Variants in PLCB1 observed in about 807,000 individuals in gnomAD.
PLCB1 encodes the protein phospholipase C beta 1.
A neutral mutation model predicts 161.8 loss-of-function variants in PLCB1; 46 were observed. The ratio of observed to expected loss-of-function variants is 0.28; its 90% CI spans 0.22 to 0.36. PLCB1 has a LOEUF of 0.36. Among genes scored for constraint, PLCB1 ranks in the 10% least tolerant of loss-of-function variants. The pLI, the probability that PLCB1 is intolerant of heterozygous loss-of-function variation, is 1.00. For missense variants in PLCB1, 1,016 were observed against 1,472.5 expected (o/e 0.69, Z 5.07); for synonymous variants, 517 against 503.7 (o/e 1.03, Z -0.35).
chr20:8,152,229 C>G lies in PLCB1; in HGVS notation c.177+1858C>G, dbSNP rs562269274. On this transcript the variant is annotated intron_variant, in intron 2 of 31. Coordinates refer to ENST00000338037, the MANE Select transcript of PLCB1 (RefSeq NM_015192.4). ...CCAAAGTCATCTCTCAGTCATTTAT[C>G]AGAATTTGGAGGCTCATTTCTTAGT... Among the ~76,000 whole-genome samples the G allele has an allele frequency of 4.6e-5, 7 of 152,040 alleles. No individual in the cohort carries two copies. The East Asian group carries it at 1.2e-3, about 25-fold the overall frequency.
At chr20:8,609,956 A>T (rs889024996) in intron 3 of PLCB1, among the ~76,000 whole-genome samples, 2 of 151,720 alleles carry the variant, frequency 1.3e-5, no homozygotes, top group African/African-American at 4.8e-5. Flanking sequence ...GGTTTTTAGT[A>T]TATTTAGTAT....
At chr20:8,815,049 T>C (rs1985021305) in intron 31 of PLCB1, among the ~76,000 whole-genome samples, 1 of 152,228 alleles carries the variant, frequency 6.6e-6, no homozygotes, top group Admixed American at 6.5e-5. Flanking sequence ...CCCAGTCCGC[T>C]TTGATTTCGG....
chr20:8,786,598 A>C (rs1174436074), intron 27 of PLCB1, among the ~76,000 whole-genome samples: 2 of 152,148 alleles, frequency 1.3e-5, no homozygotes, highest in Non-Finnish European at 2.9e-5. Context: ...CTTGAGCCAG[A>C]TGTGTCAGCG....
intron 2 of PLCB1, among the ~76,000 whole-genome samples, chr20:8,213,065 T>A (rs1306575503): frequency 2.6e-5 from 4 of 152,126 alleles, no homozygotes; most frequent in Admixed American, 2.6e-4. Context: ...CATGTTTCCT[T>A]CTGAGTCTTC....
chr20:8,260,880 C>A, intron 2 of PLCB1, among the ~76,000 whole-genome samples: 1 of 152,156 alleles, frequency 6.6e-6, no homozygotes, highest in East Asian at 1.9e-4. Context: ...CTGCCCTGGG[C>A]TGACAGGAGT....
intron 3 of PLCB1, among the ~76,000 whole-genome samples, chr20:8,561,263 A>G (rs916730097): frequency 3.3e-5 from 5 of 152,040 alleles, no homozygotes; most frequent in Non-Finnish European, 5.9e-5. Flanking sequence ...GAATAGAACT[A>G]GATTAATATT....
At chr20:8,627,652 A>G (rs547865961) in intron 3 of PLCB1, among the ~76,000 whole-genome samples, 4 of 152,372 alleles carry the variant, frequency 2.6e-5, no homozygotes, top group African/African-American at 7.2e-5. Context: ...CAGCAGGACT[A>G]CATCTCCAAA....
At chr20:8,525,154 G>C (rs1984530592) in intron 3 of PLCB1, among the ~76,000 whole-genome samples, 2 of 83,576 alleles carry the variant, frequency 2.4e-5, no homozygotes, top group South Asian at 5.9e-4. Context: ...TTATGGAGAA[G>C]GGGGAAAAAA....
Position 8,727,443 on chromosome 20 carries a change from G to A in PLCB1, c.1763+50G>A, listed in dbSNP as rs748310655. ...GCAGAATGAACACAGCTGAAGTCTT[G>A]TGCTATTTGTTCATTTGGTTTTTTA... On this transcript the variant is annotated intron_variant, in intron 17 of 31. Coordinates refer to ENST00000338037, the MANE Select transcript of PLCB1 (RefSeq NM_015192.4). 6.0e-6 allele frequency: 6 copies of A among 994,062 alleles called. 1 individual carries two copies. The East Asian group carries it at 1.2e-4, about 20-fold the overall frequency. 61.6% of individuals were successfully genotyped at this position (994,062 alleles called of 1,614,324 possible). A position where few individuals can be genotyped will look rare whatever the true frequency, so the allele number is the denominator to read the frequency against.
intron 31 of PLCB1, among the ~76,000 whole-genome samples, chr20:8,822,361 A>G (rs1347399187): frequency 1.3e-5 from 2 of 152,206 alleles, no homozygotes; most frequent in Admixed American, 6.5e-5. Context: ...CATACTAAGA[A>G]TACAGAGTGA....
intron 2 of PLCB1, among the ~76,000 whole-genome samples, chr20:8,270,611 T>C (rs1158121047): frequency 6.6e-6 from 1 of 152,096 alleles, no homozygotes; most frequent in African/African-American, 2.4e-5. Flanking sequence ...TCAGTCAATA[T>C]ACTGATTAAT....
At chr20:8,848,392 C>G (rs1248201333) in intron 31 of PLCB1, among the ~76,000 whole-genome samples, 1 of 152,184 alleles carries the variant, frequency 6.6e-6, no homozygotes, top group Non-Finnish European at 1.5e-5. Flanking sequence ...TTCCAACCCT[C>G]CAGTCAGTTG....
intron 31 of PLCB1, among the ~76,000 whole-genome samples, chr20:8,855,059 G>T (rs1600097097): frequency 6.6e-6 from 1 of 152,270 alleles, no homozygotes; most frequent in Non-Finnish European, 1.5e-5. Flanking sequence ...GTTGCAGATG[G>T]TAGCAAAAAC....
At chr20:8,500,714 A>G (rs1433744883) in intron 3 of PLCB1, among the ~76,000 whole-genome samples, 1 of 152,284 alleles carries the variant, frequency 6.6e-6, no homozygotes, top group East Asian at 1.9e-4. Context: ...TTTATTATAC[A>G]TCCTTTATTA....
intron 2 of PLCB1, among the ~76,000 whole-genome samples, chr20:8,238,604 C>T (rs1980441496): frequency 6.6e-6 from 1 of 150,476 alleles, no homozygotes; most frequent in Non-Finnish European, 1.5e-5. Flanking sequence ...AGGAACAAGA[C>T]AATATGTACA....
chr20:8,356,273 T>G (rs1198268176), intron 2 of PLCB1, among the ~76,000 whole-genome samples: 1 of 152,024 alleles, frequency 6.6e-6, no homozygotes, highest in Non-Finnish European at 1.5e-5. Context: ...TCTCTAAGAG[T>G]GCGTCTCAGT....
chr20:8,444,383 CT>C (rs1337134274), intron 3 of PLCB1, among the ~76,000 whole-genome samples: 3 of 152,076 alleles, frequency 2.0e-5, no homozygotes, highest in African/African-American at 7.2e-5. Flanking sequence ...TGAACTCATC[CT>C]TTTTTATGGC....
intron 31 of PLCB1, among the ~76,000 whole-genome samples, chr20:8,827,412 G>T (rs1437353647): frequency 1.3e-5 from 2 of 152,128 alleles, no homozygotes; most frequent in East Asian, 3.8e-4. Flanking sequence ...AGGATTTAGG[G>T]GTCCATTTTA....
intron 3 of PLCB1, among the ~76,000 whole-genome samples, chr20:8,528,393 A>AG (rs1568494656): frequency 6.6e-6 from 1 of 152,124 alleles, no homozygotes; most frequent in Non-Finnish European, 1.5e-5. Context: ...ATCTAAAAAA[A>AG]GTTGAATGAA....
Sources: allele counts gnomAD v4.1 joint callset (sites outside exome capture counted in the v4.1 genomes callset), GRCh38; gene constraint gnomAD v4.1.1; transcripts MANE v1.5; gene names NCBI Gene and HGNC (gene_info 2026-07-23, HGNC 2026-07-21).